The following AQR variants were observed in gnomAD, a reference collection of about 807,000 sequenced individuals.
AQR encodes RNA helicase aquarius.
In AQR, 61 loss-of-function variants were observed where a neutral mutation model predicts 180.5. That is an observed-to-expected ratio of 0.34 (90% CI 0.28 to 0.42). The LOEUF (loss-of-function observed/expected upper bound fraction) is 0.42. Among genes scored for constraint, AQR ranks in the 10% least tolerant of loss-of-function variants. AQR has a pLI of 1.00. For synonymous variants in AQR, 551 were observed against 588.8 expected (o/e 0.94, Z 0.93); for missense variants, 1,281 against 1,798.3 (o/e 0.71, Z 5.20).
rs1272462967 is a variant in AQR at position 34,852,455 on chromosome 15, G to T, written c.*4337C>A. On this transcript the variant is annotated 3_prime_UTR_variant, in exon 35 of 35. Coordinates refer to ENST00000156471, the MANE Select transcript of AQR (RefSeq NM_014691.3). ...CAAAGTGCTGGGATTACAGGCGTGA[G>T]CCACTGCACCCGGCTCGTGTTCTAA... is the stretch of plus-strand genomic sequence containing the variant. 1.3e-5 allele frequency: 2 copies of T among 152,224 alleles called. No individual in the cohort carries two copies. Among genetic ancestry groups the T allele is most frequent in the Non-Finnish European group, 2.9e-5 (2 of 68,074 alleles). 9.4% of individuals were successfully genotyped at this position (152,224 alleles called of 1,614,324 possible). A position where few individuals can be genotyped will look rare whatever the true frequency, so the allele number is the denominator to read the frequency against.
At position 34,896,293 on chromosome 15, in the gene AQR, TAC is replaced by T. The variant is rs1449586423; in HGVS notation, c.2460+602_2460+603del. 6.6e-5 allele frequency among the ~76,000 whole-genome samples: 10 copies of T among 152,332 alleles called. No homozygotes were observed. In the East Asian group the frequency reaches 1.9e-3, roughly 29 times the overall value. On this transcript the variant is annotated intron_variant, in intron 22 of 34. Transcript: ENST00000156471. ...CCTGATTTGATCATTACACAATGTA[TAC>T]AGTCATCAAAACATCACATCATACC...
intron 23 of AQR, among the ~76,000 whole-genome samples, chr15:34,892,868 G>A (rs4923817): frequency 0.62 from 93,855 of 152,024 alleles, 31,366 homozygotes; most frequent in South Asian, 0.75. Flanking sequence ...GGTTGTATGG[G>A]TACTTGAAGT....
At position 34,855,533 on chromosome 15, in the gene AQR, T is replaced by G. The variant is rs75184414; in HGVS notation, c.*1259A>C. The G allele has an allele frequency of 5.4e-5, 1 of 18,430 alleles. No individual in the cohort carries two copies. Among genetic ancestry groups the G allele is most frequent in the South Asian group, 3.1e-3 (1 of 326 alleles). 1.1% of individuals were successfully genotyped at this position (18,430 alleles called of 1,614,324 possible). ...TACACATACATATAAACATTTCCTTTTTTTTTTTTTTTTTTCCAGTTCTGG... is the reference window on the plus strand; with the variant it reads ...TACACATACATATAAACATTTCCTTGTTTTTTTTTTTTTTTCCAGTTCTGG... On this transcript the variant is annotated 3_prime_UTR_variant, in exon 35 of 35. Coordinates refer to ENST00000156471, the MANE Select transcript of AQR (RefSeq NM_014691.3).
chr15:34,964,755 A>C (rs2050300770), intron 1 of AQR, among the ~76,000 whole-genome samples: 2 of 90,260 alleles, frequency 2.2e-5, no homozygotes, highest in African/African-American at 6.1e-5. Flanking sequence ...CCCATAACAA[A>C]ACCTAAAAAA....
intron 3 of AQR, among the ~76,000 whole-genome samples, chr15:34,958,276 C>T (rs1029610919): frequency 2.0e-4 from 30 of 151,992 alleles, no homozygotes; most frequent in African/African-American, 6.8e-4. Flanking sequence ...GCACTTTGGG[C>T]GGTCAAAGTG....
intron 31 of AQR, chr15:34,868,125 G>C (rs1373718992): frequency 6.5e-6 from 1 of 153,128 alleles, no homozygotes; most frequent in Admixed American, 6.5e-5. Context: ...GAGCCCAGGA[G>C]TTAAAGACCA....
rs1405706302 is a variant in AQR at position 34,856,023 on chromosome 15, T to G, written c.*769A>C. The G allele has an allele frequency of 6.6e-6, 1 of 152,312 alleles. No homozygotes were observed. The highest frequency in any genetic ancestry group is 2.4e-5 in the African/African-American group (1 of 41,464). 9.4% of individuals were successfully genotyped at this position (152,312 alleles called of 1,614,324 possible). A position where few individuals can be genotyped will look rare whatever the true frequency, so the allele number is the denominator to read the frequency against. On this transcript the variant is annotated 3_prime_UTR_variant, in exon 35 of 35. Transcript: ENST00000156471. ...TCATTGCCCAGACTCAGGATCCTGC[T>G]TCTTGCCCAGATTGATTTGGCAGAG... is the stretch of plus-strand genomic sequence containing the variant.
intron 30 of AQR, among the ~76,000 whole-genome samples, chr15:34,871,797 T>C (rs1892822287): frequency 6.6e-6 from 1 of 152,136 alleles, no homozygotes; most frequent in Admixed American, 6.6e-5. Flanking sequence ...CAGTCTGGTT[T>C]ACTGTTAAAT....
intron 32 of AQR, among the ~76,000 whole-genome samples, chr15:34,865,365 A>G (rs1011981324): frequency 6.6e-6 from 1 of 152,152 alleles, no homozygotes; most frequent in Non-Finnish European, 1.5e-5. Flanking sequence ...TCTGGCTACT[A>G]AACAGCTCCA....
chr15:34,876,008 TAAGA>T lies in AQR; in HGVS notation c.3166-6_3166-3del. On this transcript the variant is annotated splice_region_variant and splice_polypyrimidine_tract_variant and intron_variant, in intron 27 of 34. Coordinates refer to ENST00000156471, the MANE Select transcript of AQR (RefSeq NM_014691.3). ...CTCTTCCATCAAAATGTTGTCATACTAAGAAAGAGGAAATCTTGTCATAAAGACA... is the reference window on the plus strand; with the variant it reads ...CTCTTCCATCAAAATGTTGTCATACTAAGAGGAAATCTTGTCATAAAGACA... 1 of 1,608,532 alleles carries T rather than the reference TAAGA, an allele frequency of 6.2e-7. No individual in the cohort carries two copies. Among genetic ancestry groups the T allele is most frequent in the Non-Finnish European group, 8.5e-7 (1 of 1,176,390 alleles).
At chr15:34,880,727 C>T (rs1892960944) in intron 27 of AQR, among the ~76,000 whole-genome samples, 1 of 152,072 alleles carries the variant, frequency 6.6e-6, no homozygotes, top group Admixed American at 6.6e-5. Context: ...AAGGTGCACG[C>T]ACACATGCAT....
chr15:34,950,824 T>G (rs1048930179), intron 4 of AQR, among the ~76,000 whole-genome samples: 1 of 152,232 alleles, frequency 6.6e-6, no homozygotes, highest in Non-Finnish European at 1.5e-5. Flanking sequence ...TGCAGTATAG[T>G]TGGAATACAT....
At chr15:34,946,860 C>A (rs1487066370) in intron 5 of AQR, among the ~76,000 whole-genome samples, 1 of 149,132 alleles carries the variant, frequency 6.7e-6, no homozygotes, top group Non-Finnish European at 1.5e-5. Context: ...CTCTGCCCAG[C>A]CAGCCGCCCC....
intron 27 of AQR, among the ~76,000 whole-genome samples, chr15:34,881,188 A>G (rs1250421517): frequency 6.6e-6 from 1 of 152,218 alleles, no homozygotes; most frequent in Non-Finnish European, 1.5e-5. Context: ...CCCCAAGAAC[A>G]AAACATTTAG....
chr15:34,857,146 A>G (rs1489607237), intron 34 of AQR, 40 bp from the exon 35 acceptor site: 1 of 1,501,076 alleles, frequency 6.7e-7, no homozygotes, highest in Middle Eastern at 1.8e-4. Context: ...ACCAATATGA[A>G]AAACAGCTTA....
At chr15:34,892,114 C>T (rs2140471971) in intron 23 of AQR, among the ~76,000 whole-genome samples, 1 of 152,272 alleles carries the variant, frequency 6.6e-6, no homozygotes, top group South Asian at 2.1e-4. Flanking sequence ...CGAGAAAAAA[C>T]TTTCAGAGGT....
At chr15:34,884,837 A>C (rs958373971) in intron 25 of AQR, 103 bp from the exon 26 acceptor site, 1 of 837,394 alleles carries the variant, frequency 1.2e-6, no homozygotes, top group African/African-American at 1.8e-5. Flanking sequence ...GTGAAAAAGA[A>C]AAAAAAAGAA....
intron 31 of AQR, chr15:34,868,193 T>C (rs1892765708): frequency 6.6e-6 from 1 of 152,592 alleles, no homozygotes. Context: ...TAGCTGGGCA[T>C]GGTGGCGCGT....
At position 34,957,095 on chromosome 15, in the gene AQR, G is replaced by A. The variant is rs149479413; in HGVS notation, c.173+3679C>T. Among the ~76,000 whole-genome samples the A allele has an allele frequency of 2.5e-3, 379 of 152,190 alleles. 1 individual carries two copies. The highest frequency in any genetic ancestry group is 8.6e-3 in the African/African-American group (358 of 41,516). On this transcript the variant is annotated intron_variant, in intron 3 of 34. Transcript: ENST00000156471. ...CCATTCCCCCAATACTGAAAATGCCGTGAGCACATAGCTCAGCAAAATAAT... is the reference window on the plus strand; with the variant it reads ...CCATTCCCCCAATACTGAAAATGCCATGAGCACATAGCTCAGCAAAATAAT...
Sources: gnomAD v4.1 joint callset for allele counts (sites outside exome capture counted in the v4.1 genomes callset) on GRCh38, gnomAD v4.1.1 for gene constraint, MANE v1.5 for transcripts, NCBI Gene and HGNC (gene_info 2026-07-23, HGNC 2026-07-21) for gene names.